Variants in COP1 observed in about 807,000 individuals in gnomAD.
COP1 encodes the protein E3 ubiquitin-protein ligase COP1.
A neutral mutation model predicts 101.3 loss-of-function variants in COP1; 24 were observed. That is an observed-to-expected ratio of 0.24 (90% CI 0.17 to 0.33). The LOEUF is 0.33. Among genes scored for constraint, COP1 ranks in the 10% least tolerant of loss-of-function variants. The probability of loss-of-function intolerance (pLI) is 1.00; values close to 1 mark genes in which losing one functional copy is unlikely to be tolerated. For synonymous variants in COP1, 347 were observed against 341.9 expected, an observed-to-expected ratio of 1.01 and a Z score of -0.17; for missense variants, 663 against 906.2, an observed-to-expected ratio of 0.73 and a Z score of 3.45.
At chr1:175,999,977 T>C (rs576648065) in intron 15 of COP1, among the ~76,000 whole-genome samples, 1 of 152,248 alleles carries the variant, frequency 6.6e-6, no homozygotes, top group Middle Eastern at 3.4e-3. Flanking sequence ...CCCTACAAAA[T>C]TGTCTGAGCT....
chr1:176,038,199 G>GA lies in COP1; in HGVS notation c.1612+4986dup, dbSNP rs1289162785. Among the ~76,000 whole-genome samples, 6 of 151,988 alleles carry GA rather than the reference G, an allele frequency of 3.9e-5. No individual in the cohort carries two copies. The East Asian group carries it at 1.2e-3, about 29-fold the overall frequency. ...TAGCACCAAAAAATAAAATACCTGC[G>GA]AAACTTGCATGCTGAAAATGACAAA... On this transcript the variant is annotated intron_variant, in intron 14 of 19. Coordinates refer to ENST00000367669, the MANE Select transcript of COP1 (RefSeq NM_022457.7).
chr1:176,158,921 G>A (rs373028395), intron 5 of COP1, among the ~76,000 whole-genome samples: 12 of 152,132 alleles, frequency 7.9e-5, no homozygotes, highest in Admixed American at 3.3e-4. Context: ...GGTTACAGGC[G>A]TAAGCCACTG....
intron 15 of COP1, among the ~76,000 whole-genome samples, chr1:175,992,019 T>C (rs759876817): frequency 3.9e-5 from 6 of 152,258 alleles, no homozygotes; most frequent in Non-Finnish European, 8.8e-5. Context: ...TAGTTATTTA[T>C]TATCTTTATC....
intron 18 of COP1, among the ~76,000 whole-genome samples, chr1:175,974,279 G>GATAC: frequency 6.6e-6 from 1 of 152,308 alleles, no homozygotes; most frequent in East Asian, 1.9e-4. Flanking sequence ...CCACTGGTTA[G>GATAC]ATACATACAT....
At chr1:175,964,721 T>C (rs1369408165) in intron 18 of COP1, among the ~76,000 whole-genome samples, 1 of 152,222 alleles carries the variant, frequency 6.6e-6, no homozygotes, top group Non-Finnish European at 1.5e-5. Flanking sequence ...ATGAACAACA[T>C]ACAGTATCTG....
At chr1:176,109,313 T>C (rs2149549345) in intron 9 of COP1, among the ~76,000 whole-genome samples, 1 of 152,276 alleles carries the variant, frequency 6.6e-6, no homozygotes, top group African/African-American at 2.4e-5. Flanking sequence ...AACTGAACTC[T>C]TTCAGTAAGT....
chr1:176,020,546 T>C (rs1248118897), intron 15 of COP1, among the ~76,000 whole-genome samples: 1 of 150,670 alleles, frequency 6.6e-6, no homozygotes, highest in Non-Finnish European at 1.5e-5. Flanking sequence ...GGCGAGGTAG[T>C]GCATGCCTGT....
At chr1:176,127,908 T>C (rs1214756637) in intron 8 of COP1, among the ~76,000 whole-genome samples, 1 of 152,104 alleles carries the variant, frequency 6.6e-6, no homozygotes, top group East Asian at 1.9e-4. Context: ...AACACTTGTT[T>C]CATCTTTCTG....
chr1:176,003,596 A>C (rs1239324578), intron 15 of COP1, among the ~76,000 whole-genome samples: 20 of 151,892 alleles, frequency 1.3e-4, no homozygotes, highest in East Asian at 3.8e-4. Context: ...AGCACCATTT[A>C]TTAAATAGGG....
intron 8 of COP1, among the ~76,000 whole-genome samples, chr1:176,129,627 T>TA (rs1558166690): frequency 6.6e-6 from 1 of 151,830 alleles, no homozygotes; most frequent in African/African-American, 2.4e-5. Context: ...CTGGATCTTA[T>TA]AAAGCATACC....
At chr1:176,150,126 T>C (rs909691964) in intron 5 of COP1, among the ~76,000 whole-genome samples, 1 of 152,176 alleles carries the variant, frequency 6.6e-6, no homozygotes, top group African/African-American at 2.4e-5. Flanking sequence ...ATAAGCCAAT[T>C]AAAATCTGAA....
At chr1:175,973,505 CA>C (rs1653779889) in intron 18 of COP1, among the ~76,000 whole-genome samples, 1 of 152,122 alleles carries the variant, frequency 6.6e-6, no homozygotes, top group Non-Finnish European at 1.5e-5. Context: ...AAATGTTACA[CA>C]TTTTAAAGTA....
At chr1:176,034,017 G>A (rs1669072237) in intron 14 of COP1, among the ~76,000 whole-genome samples, 1 of 152,098 alleles carries the variant, frequency 6.6e-6, no homozygotes. Flanking sequence ...AAGCATTTGA[G>A]ACTTTTACTG....
chr1:176,021,019 G>A (rs1164594619), intron 15 of COP1, among the ~76,000 whole-genome samples: 1 of 151,972 alleles, frequency 6.6e-6, no homozygotes, highest in Non-Finnish European at 1.5e-5. Flanking sequence ...TGTTTCCCAG[G>A]ATGGACTGCA....
intron 1 of COP1, among the ~76,000 whole-genome samples, chr1:176,200,676 A>G (rs1218618133): frequency 6.6e-6 from 1 of 152,224 alleles, no homozygotes; most frequent in African/African-American, 2.4e-5. Context: ...TGAAAGGACA[A>G]CTAACATATT....
At chr1:176,066,188 C>T (rs924338661) in intron 11 of COP1, among the ~76,000 whole-genome samples, 4 of 152,138 alleles carry the variant, frequency 2.6e-5, no homozygotes, top group African/African-American at 9.7e-5. Context: ...TCTTTATTGC[C>T]CTTTGTTCAA....
intron 9 of COP1, among the ~76,000 whole-genome samples, chr1:176,091,345 C>CAA (rs71129552): frequency 3.2e-5 from 4 of 125,356 alleles, no homozygotes; most frequent in African/African-American, 1.3e-4. Flanking sequence ...GACTCCGTCT[C>CAA]AAAAAAAAAA....
intron 9 of COP1, among the ~76,000 whole-genome samples, chr1:176,099,305 T>C (rs1230948406): frequency 6.6e-6 from 1 of 152,218 alleles, no homozygotes; most frequent in Non-Finnish European, 1.5e-5. Context: ...AACTAAAATG[T>C]TGATGAATAT....
chr1:176,157,818 A>C (rs1001436317), intron 5 of COP1, among the ~76,000 whole-genome samples: 7 of 152,206 alleles, frequency 4.6e-5, no homozygotes, highest in African/African-American at 1.7e-4. Flanking sequence ...GGAAAAAGTC[A>C]ATCTATATGG....
Sources: allele counts gnomAD v4.1 joint callset (sites outside exome capture counted in the v4.1 genomes callset), GRCh38; gene constraint gnomAD v4.1.1; transcripts MANE v1.5; gene names NCBI Gene and HGNC (gene_info 2026-07-23, HGNC 2026-07-21).